Variants in PATJ observed in about 807,000 individuals in gnomAD.
PATJ encodes the protein inaD-like protein.
Under a neutral mutation model 224.9 loss-of-function variants are expected in PATJ, and 190 were observed. The observed-to-expected ratio is 0.84, with a 90% confidence interval of 0.75 to 0.95. The LOEUF is 0.95. PATJ is among the 40% of genes least tolerant of loss of function. PATJ has a pLI of 0.00. For synonymous variants in PATJ, 769 were observed against 820.3 expected (o/e 0.94, Z 1.07); for missense variants, 2,121 against 2,270.3 (o/e 0.93, Z 1.34).
At chr1:62,129,062 A>T (rs1666020341) in intron 41 of PATJ, 117 bp downstream of exon 41, 2 of 600,980 alleles carry the variant, frequency 3.3e-6, no homozygotes, top group East Asian at 5.2e-5. Context: ...GATGTGAATT[A>T]CGAAGGTTGA....
intron 28 of PATJ, among the ~76,000 whole-genome samples, chr1:61,998,016 AT>A (rs1451215255): frequency 9.0e-6 from 1 of 110,568 alleles, no homozygotes; most frequent in Non-Finnish European, 1.8e-5. Flanking sequence ...ATATATATTA[AT>A]TATATATAAT....
chr1:61,852,170 A>G (rs1263920426), intron 17 of PATJ, among the ~76,000 whole-genome samples: 1 of 151,782 alleles, frequency 6.6e-6, no homozygotes, highest in Non-Finnish European at 1.5e-5. Flanking sequence ...TTCAGAAATA[A>G]ATGGGCTGAA....
intron 33 of PATJ, among the ~76,000 whole-genome samples, chr1:62,106,342 A>G (rs1423187601): frequency 2.0e-5 from 3 of 149,354 alleles, no homozygotes; most frequent in Non-Finnish European, 4.5e-5. Flanking sequence ...ATGGTTGTGC[A>G]CACGTATAGT....
At chr1:61,916,266 A>G (rs886255034) in intron 26 of PATJ, among the ~76,000 whole-genome samples, 2 of 152,170 alleles carry the variant, frequency 1.3e-5, no homozygotes, top group Non-Finnish European at 2.9e-5. Flanking sequence ...AACATTTCAT[A>G]TAGAACCTTT....
chr1:61,996,156 A>G (rs1645341259), intron 28 of PATJ, among the ~76,000 whole-genome samples: 2 of 152,336 alleles, frequency 1.3e-5, no homozygotes, highest in South Asian at 4.1e-4. Context: ...AATCATGAAA[A>G]ATCAAAAGCA....
At chr1:61,778,987 T>A (rs1252704467) in intron 7 of PATJ, among the ~76,000 whole-genome samples, 1 of 152,104 alleles carries the variant, frequency 6.6e-6, no homozygotes, top group East Asian at 1.9e-4. Flanking sequence ...GTGTGAGCCA[T>A]CAAGCCTGGC....
intron 43 of PATJ, among the ~76,000 whole-genome samples, chr1:62,154,739 C>T (rs1669005907): frequency 6.6e-6 from 1 of 151,694 alleles, no homozygotes; most frequent in South Asian, 2.1e-4. Flanking sequence ...GAAAGCTAAA[C>T]TATACATTAA....
intron 14 of PATJ, among the ~76,000 whole-genome samples, chr1:61,822,616 A>T (rs1236372646): frequency 1.3e-5 from 2 of 152,086 alleles, no homozygotes; most frequent in African/African-American, 4.8e-5. Context: ...GTTCTAGGGG[A>T]TGGGGAGTCC....
intron 14 of PATJ, among the ~76,000 whole-genome samples, chr1:61,816,902 T>C (rs1656216115): frequency 6.6e-6 from 1 of 152,226 alleles, no homozygotes; most frequent in Non-Finnish European, 1.5e-5. Flanking sequence ...GTTTTGTTCC[T>C]CCTTGCTGAT....
chr1:61,883,862 GGT>G (rs1491545722), intron 21 of PATJ, among the ~76,000 whole-genome samples: 5 of 10,604 alleles, frequency 4.7e-4, no homozygotes, highest in African/African-American at 9.9e-4. Context: ...ATTCTGTGGA[GGT>G]TTTTTTTTTT....
rs115218781 is a variant in PATJ at position 61,996,931 on chromosome 1, G to A, written c.3867+6567G>A. Among the ~76,000 whole-genome samples, 1,192 of 151,716 alleles carry A rather than the reference G, an allele frequency of 7.9e-3. 4 individuals are homozygous for A. The highest frequency in any genetic ancestry group is 0.012 in the Non-Finnish European group (802 of 67,898). Reference sequence around the variant, plus strand: ...CTAATTTTTGTATTTTAGTGGAGACGGGGTGTCACCATGTTGGCCAGGCTA... The same window carrying A: ...CTAATTTTTGTATTTTAGTGGAGACAGGGTGTCACCATGTTGGCCAGGCTA... On this transcript the variant is annotated intron_variant, in intron 28 of 43. Coordinates refer to ENST00000642238, the MANE Select transcript of PATJ (RefSeq NM_001350145.3).
chr1:61,770,957 A>C (rs1196983151), intron 5 of PATJ, among the ~76,000 whole-genome samples: 1 of 151,778 alleles, frequency 6.6e-6, no homozygotes, highest in Non-Finnish European at 1.5e-5. Context: ...AGTAATCTCT[A>C]TGAATTTTCA....
chr1:62,091,563 C>T (rs905957415), intron 33 of PATJ, among the ~76,000 whole-genome samples: 3 of 152,158 alleles, frequency 2.0e-5, no homozygotes, highest in African/African-American at 7.2e-5. Flanking sequence ...ATTACCTGGA[C>T]AGTGAAATGT....
chr1:62,103,947 G>A (rs779358201), intron 33 of PATJ, among the ~76,000 whole-genome samples: 3 of 152,134 alleles, frequency 2.0e-5, no homozygotes, highest in Non-Finnish European at 4.4e-5. Flanking sequence ...TCTGACTCCA[G>A]AAGCCTAGCT....
intron 32 of PATJ, among the ~76,000 whole-genome samples, chr1:62,084,180 G>A (rs907485810): frequency 6.6e-6 from 1 of 152,190 alleles, no homozygotes; most frequent in Non-Finnish European, 1.5e-5. Context: ...CTTGAACCCA[G>A]GAGGTGGAGG....
chr1:61,894,926 C>G (rs1670148353), intron 22 of PATJ, among the ~76,000 whole-genome samples: 2 of 152,162 alleles, frequency 1.3e-5, no homozygotes, highest in Non-Finnish European at 2.9e-5. Context: ...GAAGTCCAGG[C>G]TGAGTTGGTC....
intron 28 of PATJ, among the ~76,000 whole-genome samples, chr1:62,002,696 C>A (rs574604219): frequency 4.3e-5 from 5 of 117,546 alleles, no homozygotes; most frequent in African/African-American, 1.7e-4. Flanking sequence ...GCAACAAGAG[C>A]GAAACTCTGT....
intron 38 of PATJ, among the ~76,000 whole-genome samples, chr1:62,121,560 G>A (rs1207112907): frequency 6.6e-6 from 1 of 151,846 alleles, no homozygotes; most frequent in East Asian, 1.9e-4. Flanking sequence ...GAGGTCAGGA[G>A]ATCGAGACCA....
intron 16 of PATJ, among the ~76,000 whole-genome samples, chr1:61,827,852 A>G (rs1409705020): frequency 6.6e-6 from 1 of 152,252 alleles, no homozygotes; most frequent in African/African-American, 2.4e-5. Flanking sequence ...GCCTGGATTC[A>G]TTACTTTTGG....
Sources: allele counts gnomAD v4.1 joint callset (sites outside exome capture counted in the v4.1 genomes callset), GRCh38; gene constraint gnomAD v4.1.1; transcripts MANE v1.5; gene names NCBI Gene and HGNC (gene_info 2026-07-23, HGNC 2026-07-21).